Variants in DNAJC6 observed in about 807,000 individuals in gnomAD.
The protein encoded by DNAJC6 is DnaJ heat shock protein family (Hsp40) member C6.
A neutral mutation model predicts 110.0 loss-of-function variants in DNAJC6; 34 were observed. The ratio of observed to expected loss-of-function variants is 0.31; its 90% confidence interval spans 0.24 to 0.41. The LOEUF (loss-of-function observed/expected upper bound fraction) is 0.41. DNAJC6 is among the 10% of genes least tolerant of loss of function. The pLI is 1.00. For missense variants in DNAJC6, 1,031 were observed against 1,207.8 expected (o/e 0.85, Z 2.17); for synonymous variants, 406 against 437.2 (o/e 0.93, Z 0.89).
At chr1:65,336,302 G>A (rs571694674) in intron 1 of DNAJC6, among the ~76,000 whole-genome samples, 1 of 152,174 alleles carries the variant, frequency 6.6e-6, no homozygotes, top group East Asian at 1.9e-4. Flanking sequence ...GAGAACAGGA[G>A]CATGGGGGTA....
intron 18 of DNAJC6, among the ~76,000 whole-genome samples, chr1:65,411,636 G>A (rs992235652): frequency 6.6e-6 from 1 of 152,132 alleles, no homozygotes; most frequent in Non-Finnish European, 1.5e-5. Context: ...CTTATTTAGA[G>A]AGAGTAAGAT....
chr1:65,399,803 C>A (rs1409808017), intron 14 of DNAJC6, among the ~76,000 whole-genome samples: 4 of 152,196 alleles, frequency 2.6e-5, no homozygotes, highest in African/African-American at 9.7e-5. Context: ...ACTTTTGTGG[C>A]TGGCTTATTT....
At chr1:65,364,856 C>T in intron 2 of DNAJC6, 71 bp downstream of exon 2, 1 of 1,563,784 alleles carries the variant, frequency 6.4e-7, no homozygotes, top group Non-Finnish European at 8.7e-7. Context: ...CTGCTGACTG[C>T]TTGTCTGGCT....
chr1:65,380,667 A>C (rs1251563945), intron 5 of DNAJC6, among the ~76,000 whole-genome samples: 1 of 152,158 alleles, frequency 6.6e-6, no homozygotes, highest in Admixed American at 6.5e-5. Flanking sequence ...GAGAGCCTAC[A>C]TCTGACAACT....
At chr1:65,342,927 C>T (rs993564380) in intron 1 of DNAJC6, among the ~76,000 whole-genome samples, 4 of 152,194 alleles carry the variant, frequency 2.6e-5, no homozygotes, top group Non-Finnish European at 2.9e-5. Flanking sequence ...ACTCTCTTCT[C>T]GCTAAGCTCT....
At chr1:65,364,872 A>G in intron 2 of DNAJC6, 87 bp downstream of exon 2, 2 of 1,514,114 alleles carry the variant, frequency 1.3e-6, no homozygotes, top group Middle Eastern at 1.8e-4. Context: ...TGGCTCAAAG[A>G]GTGTCAATTT....
At chr1:65,338,385 T>C (rs139208716) in intron 1 of DNAJC6, among the ~76,000 whole-genome samples, 1 of 152,218 alleles carries the variant, frequency 6.6e-6, no homozygotes, top group Non-Finnish European at 1.5e-5. Flanking sequence ...GGGTACTGGT[T>C]GTATATATTT....
rs1199416176 is a variant in DNAJC6 at position 65,388,499 on chromosome 1, C to T, written c.1193+84C>T. On this transcript the variant is annotated intron_variant, in intron 9 of 18. Transcript: ENST00000371069. ...CTCAATGGCACCAGGCTGTAGCATA[C>T]CCTGGAATCCTGTGCTGCTGAACTA... The T allele has an allele frequency of 2.4e-6, 3 of 1,251,796 alleles. No homozygotes were observed. The African/African-American group carries it at 4.4e-5, about 18-fold the overall frequency. 77.5% of individuals were successfully genotyped at this position (1,251,796 alleles called of 1,614,324 possible). A position where few individuals can be genotyped will look rare whatever the true frequency, so the allele number is the denominator to read the frequency against.
intron 5 of DNAJC6, 113 bp from the exon 6 acceptor site, chr1:65,384,080 C>A: frequency 3.2e-6 from 4 of 1,248,836 alleles, no homozygotes; most frequent in Non-Finnish European, 4.2e-6. Context: ...AAAGCACCCA[C>A]AGTTAAGAGG....
At chr1:65,269,521 TA>T (rs1437379535) in intron 1 of DNAJC6, among the ~76,000 whole-genome samples, 1 of 152,222 alleles carries the variant, frequency 6.6e-6, no homozygotes, top group Non-Finnish European at 1.5e-5. Context: ...CTCCAATCTG[TA>T]ATTCAAAATA....
At chr1:65,323,848 C>T (rs1424442863) in intron 1 of DNAJC6, among the ~76,000 whole-genome samples, 2 of 152,142 alleles carry the variant, frequency 1.3e-5, no homozygotes, top group African/African-American at 4.8e-5. Flanking sequence ...GCCTTGGCCT[C>T]CCAAAGTGCT....
At chr1:65,377,892 C>T (rs768152800) in intron 4 of DNAJC6, among the ~76,000 whole-genome samples, 9 of 152,202 alleles carry the variant, frequency 5.9e-5, no homozygotes, top group Non-Finnish European at 8.8e-5. Context: ...TGTATGAAGC[C>T]TCTTCTTTCT....
intron 1 of DNAJC6, among the ~76,000 whole-genome samples, chr1:65,339,329 C>G (rs1645367090): frequency 6.6e-6 from 1 of 152,184 alleles, no homozygotes; most frequent in South Asian, 2.1e-4. Flanking sequence ...CAAGGCCACA[C>G]AGCTCCAACT....
At chr1:65,289,013 C>T (rs190435149) in intron 1 of DNAJC6, among the ~76,000 whole-genome samples, 24 of 152,238 alleles carry the variant, frequency 1.6e-4, no homozygotes, top group Non-Finnish European at 4.4e-5. Flanking sequence ...TGGTTATATA[C>T]ATATTTCTGT....
At chr1:65,295,960 G>A (rs4916039) in intron 1 of DNAJC6, among the ~76,000 whole-genome samples, 97,519 of 152,106 alleles carry the variant, frequency 0.64, 31,477 homozygotes, top group East Asian at 0.79. Context: ...CTATAAAGGC[G>A]TTAGAAAAGC....
chr1:65,401,605 C>T (rs1317290859), intron 14 of DNAJC6, among the ~76,000 whole-genome samples, 156 bp from the exon 15 acceptor site: 1 of 152,232 alleles, frequency 6.6e-6, no homozygotes, highest in Non-Finnish European at 1.5e-5. Context: ...ACCATTCACC[C>T]AGGTCAGGGA....
Position 65,309,844 on chromosome 1 carries a change from C to A in DNAJC6, c.99C>A (p.Gly33=). Residue 33 remains glycine (G), a synonymous_variant, in exon 1 of 19, where the codon GGC becomes GGA. Transcript: ENST00000371069. ...ACGGGGACTTAAGTGCGGGAAGCGG[C>A]GGGGTTGGCGGCAAGCAGAGAGTGA... ...DSNGDLSAGS[G]GVGGKQRVNA... 6.5e-7 allele frequency: 1 copy of A among 1,548,548 alleles called. No homozygotes were observed. The highest frequency in any genetic ancestry group is 8.7e-7 in the Non-Finnish European group (1 of 1,146,032).
In DNAJC6 at chr1:65,380,911, G is replaced by GTT. The variant is rs1312055301; in HGVS notation, c.666+1390_666+1391dup. 2.5e-3 allele frequency among the ~76,000 whole-genome samples: 283 copies of GTT among 114,780 alleles called. 8 individuals are homozygous for GTT. The highest frequency in any genetic ancestry group is 4.9e-3 in the Middle Eastern group (1 of 204). The allele number at this position is 114,780 out of a possible 152,430, so 75.3% of individuals were successfully genotyped here. A position where few individuals can be genotyped will look rare whatever the true frequency, so the allele number is the denominator to read the frequency against. Reference sequence around the variant, plus strand: ...GGGAGTTTTTTTTTTTTTGTTTTTTGTTTTGTTTTGTTTTTTTTTTTTTTT... The same window carrying GTT: ...GGGAGTTTTTTTTTTTTTGTTTTTTGTTTTTTGTTTTGTTTTTTTTTTTTTTT... On this transcript the variant is annotated intron_variant, in intron 5 of 18. Transcript: ENST00000371069.
intron 5 of DNAJC6, 73 bp downstream of exon 5, chr1:65,379,597 G>T: frequency 6.4e-7 from 1 of 1,552,158 alleles, no homozygotes; most frequent in South Asian, 1.2e-5. Flanking sequence ...CACAATGGTA[G>T]ACAGGTAACA....
Sources: gnomAD v4.1 joint callset for allele counts (sites outside exome capture counted in the v4.1 genomes callset) on GRCh38, gnomAD v4.1.1 for gene constraint, MANE v1.5 for transcripts, NCBI Gene and HGNC (gene_info 2026-07-23, HGNC 2026-07-21) for gene names.